PPARG: variants seen among roughly 807,000 people sequenced by gnomAD.
The protein encoded by PPARG is peroxisome proliferator-activated receptor gamma.
In PPARG, 17 loss-of-function variants were observed where a neutral mutation model predicts 39.2. That is an observed-to-expected ratio of 0.43 (90% CI 0.30 to 0.65). The LOEUF (loss-of-function observed/expected upper bound fraction) is 0.65. PPARG is among the 30% of genes least tolerant of loss of function. The pLI is 0.13. For missense variants in PPARG, 406 were observed against 585.9 expected (o/e 0.69, Z 3.17); for synonymous variants, 223 against 215.7 (o/e 1.03, Z -0.30).
intron 2 of PPARG, among the ~76,000 whole-genome samples, chr3:12,377,304 G>GT (rs1392715868): frequency 1.3e-5 from 2 of 151,904 alleles, no homozygotes; most frequent in African/African-American, 4.8e-5. Context: ...GTTTTGTTTT[G>GT]TTTTTGTTTT....
chr3:12,432,777 A>T (rs1458043200), intron 7 of PPARG, among the ~76,000 whole-genome samples: 1 of 152,270 alleles, frequency 6.6e-6, no homozygotes, highest in East Asian at 1.9e-4. Context: ...ATAAAAGTTC[A>T]GAAAATTGGA....
At chr3:12,293,909 A>G (rs935165375) in intron 1 of PPARG, among the ~76,000 whole-genome samples, 3 of 152,120 alleles carry the variant, frequency 2.0e-5, no homozygotes, top group African/African-American at 7.2e-5. Context: ...CACCTCTTAA[A>G]ATGTCTTTGA....
chr3:12,382,847 T>C (rs184621074), intron 4 of PPARG, among the ~76,000 whole-genome samples: 1 of 152,270 alleles, frequency 6.6e-6, no homozygotes, highest in Admixed American at 6.5e-5. Flanking sequence ...GGCACATGCC[T>C]GTAGTCCTAG....
intron 2 of PPARG, among the ~76,000 whole-genome samples, chr3:12,336,196 A>T (rs1200242369): frequency 6.6e-6 from 1 of 152,200 alleles, no homozygotes; most frequent in Non-Finnish European, 1.5e-5. Flanking sequence ...AATGCTGCTG[A>T]TCTGAATTCT....
At chr3:12,393,010 T>C (rs531046078) in intron 5 of PPARG, among the ~76,000 whole-genome samples, 4 of 152,330 alleles carry the variant, frequency 2.6e-5, no homozygotes, top group East Asian at 1.9e-4. Context: ...GGAAAAACTT[T>C]AGTGTTAGAA....
chr3:12,321,436 T>A (rs890661587), intron 2 of PPARG, among the ~76,000 whole-genome samples: 2 of 152,202 alleles, frequency 1.3e-5, no homozygotes, highest in Non-Finnish European at 2.9e-5. Flanking sequence ...AGGTGCCAAA[T>A]GCTACAGGGT....
At chr3:12,320,314 G>A (rs1213305759) in intron 2 of PPARG, among the ~76,000 whole-genome samples, 1 of 152,146 alleles carries the variant, frequency 6.6e-6, no homozygotes, top group Non-Finnish European at 1.5e-5. Context: ...ACAGAATGTG[G>A]TGTTTGTCTT....
chr3:12,355,397 A>G (rs2048629895), intron 2 of PPARG, among the ~76,000 whole-genome samples: 1 of 152,106 alleles, frequency 6.6e-6, no homozygotes, highest in Non-Finnish European at 1.5e-5. Flanking sequence ...CGACCTCCCA[A>G]AGTGCTGGGA....
chr3:12,426,288 G>T (rs553907553), intron 7 of PPARG, among the ~76,000 whole-genome samples: 32 of 152,372 alleles, frequency 2.1e-4, no homozygotes, highest in Admixed American at 7.2e-4. Flanking sequence ...GGCTCTACCA[G>T]CAACATGTGT....
chr3:12,433,306 G>A (rs1417404968), intron 7 of PPARG, among the ~76,000 whole-genome samples: 1 of 152,168 alleles, frequency 6.6e-6, no homozygotes, highest in Non-Finnish European at 1.5e-5. Flanking sequence ...GGGAGGCCAA[G>A]GCGGGTGGAT....
chr3:12,304,091 A>G (rs891547363), intron 1 of PPARG, among the ~76,000 whole-genome samples: 2 of 152,158 alleles, frequency 1.3e-5, no homozygotes, highest in African/African-American at 4.8e-5. Flanking sequence ...CTTATTTCCA[A>G]CTTTAATATT....
intron 5 of PPARG, among the ~76,000 whole-genome samples, chr3:12,400,297 C>T (rs940734031): frequency 6.6e-6 from 1 of 152,150 alleles, no homozygotes; most frequent in African/African-American, 2.4e-5. Context: ...GTTTTAAAAA[C>T]ATGCCGATTA....
At chr3:12,323,443 G>A (rs80093602) in intron 2 of PPARG, among the ~76,000 whole-genome samples, 2,440 of 151,304 alleles carry the variant, frequency 0.016, 66 homozygotes, top group African/African-American at 0.056. Context: ...TTTGGAGAGA[G>A]TGCCATGCCA....
intron 5 of PPARG, among the ~76,000 whole-genome samples, chr3:12,398,017 C>A (rs1026720007): frequency 6.6e-6 from 1 of 152,180 alleles, no homozygotes; most frequent in Non-Finnish European, 1.5e-5. Flanking sequence ...TGTGGAAATT[C>A]TTCCTGACAT....
intron 2 of PPARG, among the ~76,000 whole-genome samples, chr3:12,353,694 C>G (rs1575043288): frequency 6.6e-6 from 1 of 152,222 alleles, no homozygotes; most frequent in East Asian, 1.9e-4. Context: ...CACTTAGCCA[C>G]TATGCCCAAA....
In PPARG at chr3:12,392,658, A is replaced by T; in HGVS notation, c.435A>T (p.Arg145Ser). The T allele has an allele frequency of 1.2e-6, 2 of 1,613,878 alleles. No homozygotes were observed. Among genetic ancestry groups the T allele is most frequent in the Non-Finnish European group, 1.7e-6 (2 of 1,179,790 alleles). The change falls in exon 5 of 8, where the codon AGA becomes AGT. Residue 145 changes from arginine to serine, a missense_variant. Coordinates refer to ENST00000651735, the MANE Select transcript of PPARG (RefSeq NM_138711.6). Reference sequence around the variant, plus strand: ...TCAGATTGAAGCTTATCTATGACAGATGTGATCTTAACTGTCGGATCCACA... The same window carrying T: ...TCAGATTGAAGCTTATCTATGACAGTTGTGATCTTAACTGTCGGATCCACA... ...RTIRLKLIYD[R>S]CDLNCRIHKK... is the part of the protein sequence containing the mutation.
chr3:12,315,385 G>A (rs1288316069), intron 2 of PPARG, among the ~76,000 whole-genome samples: 2 of 152,160 alleles, frequency 1.3e-5, no homozygotes, highest in Non-Finnish European at 1.5e-5. Flanking sequence ...TGGCTTCAGT[G>A]TATCAACACT....
chr3:12,308,621 C>T (rs2047143645), intron 1 of PPARG, among the ~76,000 whole-genome samples: 2 of 152,002 alleles, frequency 1.3e-5, no homozygotes. Flanking sequence ...CTTTACATTG[C>T]TGAGATGATT....
Position 12,339,954 on chromosome 3 carries a change from T to A in PPARG, c.-9+27501T>A, listed in dbSNP as rs558838426. ...CTGCATAGGTCTTTCAGGTACACAG[T>A]TCTCAAAGTGTTGATCTGAAAGTTC... is the stretch of plus-strand genomic sequence containing the variant. On this transcript the variant is annotated intron_variant, in intron 2 of 7. Transcript: ENST00000651735. Among the ~76,000 whole-genome samples, 7 of 152,360 alleles carry A rather than the reference T, an allele frequency of 4.6e-5. No homozygotes were observed. The South Asian group carries it at 1.4e-3, about 32-fold the overall frequency.
Sources: gnomAD v4.1 joint callset for allele counts (sites outside exome capture counted in the v4.1 genomes callset) on GRCh38, gnomAD v4.1.1 for gene constraint, MANE v1.5 for transcripts, NCBI Gene and HGNC (gene_info 2026-07-23, HGNC 2026-07-21) for gene names.